Variants in ANKRD62 observed in about 807,000 individuals in gnomAD.
The protein encoded by ANKRD62 is ankyrin repeat domain 62.
ANKRD62 carries 61 observed loss-of-function variants against 98.8 expected under a neutral mutation model. The observed-to-expected ratio is 0.62, with a 90% CI of 0.50 to 0.76. The LOEUF (loss-of-function observed/expected upper bound fraction) is 0.76. Among genes scored for constraint, ANKRD62 ranks in the 30% least tolerant of loss-of-function variants. ANKRD62 has a pLI of 0.00. For missense variants in ANKRD62, 933 were observed against 1,082.9 expected, an observed-to-expected ratio of 0.86 and a Z score of 1.94; for synonymous variants, 341 against 367.9, an observed-to-expected ratio of 0.93 and a Z score of 0.84.
chr18:12,153,026 G>T, the ANKRD62 span, among the ~76,000 whole-genome samples: 1 of 152,176 alleles, frequency 6.6e-6, no homozygotes, highest in Admixed American at 6.5e-5. Flanking sequence ...GTCAAGATGA[G>T]AACGAAATCA....
intron 7 of ANKRD62, among the ~76,000 whole-genome samples, chr18:12,104,681 G>A (rs1909376280): frequency 6.6e-6 from 1 of 152,116 alleles, no homozygotes; most frequent in African/African-American, 2.4e-5. Flanking sequence ...TACAGGAATA[G>A]CAAACTTAAA....
the ANKRD62 span, among the ~76,000 whole-genome samples, chr18:12,163,435 A>G: frequency 1.3e-5 from 2 of 152,108 alleles, no homozygotes; most frequent in Non-Finnish European, 2.9e-5. Context: ...TTCCAAAGAC[A>G]AGATCATATC....
At chr18:12,166,640 T>C in the ANKRD62 span, among the ~76,000 whole-genome samples, 635 of 152,236 alleles carry the variant, frequency 4.2e-3, 1 homozygote, top group Non-Finnish European at 6.6e-3. Context: ...GTGCCTTATT[T>C]AGTTCATTTG....
At chr18:12,122,894 G>A (rs1909809747) in intron 11 of ANKRD62, among the ~76,000 whole-genome samples, 1 of 151,984 alleles carries the variant, frequency 6.6e-6, no homozygotes, top group Non-Finnish European at 1.5e-5. Context: ...GAGCTATCTG[G>A]TTAGAGTATA....
rs1909104520 is a variant in ANKRD62 at position 12,093,928 on chromosome 18, G to A, written c.-90G>A. ...TTGCGGCTGGACCTGGTTACGTGCTGGTGCTGCGCTCCAGAGAGGCAGAAA... is the reference window on the plus strand; with the variant it reads ...TTGCGGCTGGACCTGGTTACGTGCTAGTGCTGCGCTCCAGAGAGGCAGAAA... On this transcript the variant is annotated 5_prime_UTR_variant, in exon 1 of 14. Transcript: ENST00000587848. 3.1e-6 allele frequency: 4 copies of A among 1,295,000 alleles called. No individual in the cohort carries two copies. Among genetic ancestry groups the A allele is most frequent in the Non-Finnish European group, 4.3e-6 (4 of 935,248 alleles). 80.2% of individuals were successfully genotyped at this position (1,295,000 alleles called of 1,614,324 possible).
At chr18:12,175,684 T>C in the ANKRD62 span, among the ~76,000 whole-genome samples, 1 of 151,908 alleles carries the variant, frequency 6.6e-6, no homozygotes, top group African/African-American at 2.4e-5. Flanking sequence ...GACTTTCAGA[T>C]TGTAAAGTCA....
the ANKRD62 span, among the ~76,000 whole-genome samples, chr18:12,141,046 A>G: frequency 6.6e-6 from 1 of 152,172 alleles, no homozygotes. Context: ...CTCAAGACTG[A>G]GCAATGGCGG....
At position 12,093,966 on chromosome 18, in the gene ANKRD62, T is replaced by A; in HGVS notation, c.-52T>A. 1 of 1,512,800 alleles carries A rather than the reference T, an allele frequency of 6.6e-7. No homozygotes were observed. The highest frequency in any genetic ancestry group is 1.2e-5 in the South Asian group (1 of 83,408). The allele number at this position is 1,512,800 out of a possible 1,614,324, so 93.7% of individuals were successfully genotyped here. ...AGAGAGGCAGAAAACGAGTGGGAGCTGAGGTGTCTTAAAGCCGTTCCTCAG... is the reference window on the plus strand; with the variant it reads ...AGAGAGGCAGAAAACGAGTGGGAGCAGAGGTGTCTTAAAGCCGTTCCTCAG... On this transcript the variant is annotated 5_prime_UTR_variant, in exon 1 of 14. Coordinates refer to ENST00000587848, the MANE Select transcript of ANKRD62 (RefSeq NM_001277333.2).
At position 12,126,325 on chromosome 18, in the gene ANKRD62, A is replaced by G; in HGVS notation, c.2504A>G (p.Glu835Gly). 2 of 1,529,006 alleles carry G rather than the reference A, an allele frequency of 1.3e-6. No homozygotes were observed. The highest frequency in any genetic ancestry group is 1.7e-6 in the Non-Finnish European group (2 of 1,144,894). The allele number at this position is 1,529,006 out of a possible 1,614,324, so 94.7% of individuals were successfully genotyped here. ...GAGAACAATAAGGGGTTGATGAAGGAATGCACTCTTTTAAAAGAAAGACAA... is the reference window on the plus strand; with the variant it reads ...GAGAACAATAAGGGGTTGATGAAGGGATGCACTCTTTTAAAAGAAAGACAA... ...LEENNKGLMK[E>G]CTLLKERQCQ... Residue 835 changes from glutamate to glycine, a missense_variant, in exon 13 of 14, where the codon GAA becomes GGA. Physicochemically the swap from Glu to Gly is moderately conservative, Grantham distance 98. Coordinates refer to ENST00000587848, the MANE Select transcript of ANKRD62 (RefSeq NM_001277333.2).
At chr18:12,175,515 A>C in the ANKRD62 span, among the ~76,000 whole-genome samples, 1 of 151,916 alleles carries the variant, frequency 6.6e-6, no homozygotes, top group Non-Finnish European at 1.5e-5. Flanking sequence ...CTGTGGGCCC[A>C]AGGGAAGCTA....
chr18:12,177,604 G>A, the ANKRD62 span, among the ~76,000 whole-genome samples: 393 of 151,990 alleles, frequency 2.6e-3, 6 homozygotes, highest in Admixed American at 0.014. Flanking sequence ...TGTAGGACAC[G>A]CCAAGACTTT....
chr18:12,112,521 T>G (rs1413203765), intron 8 of ANKRD62, among the ~76,000 whole-genome samples: 2 of 152,156 alleles, frequency 1.3e-5, no homozygotes, highest in Non-Finnish European at 2.9e-5. Context: ...ATGCAGAGGA[T>G]TGAAACTTCA....
chr18:12,102,621 A>G, intron 6 of ANKRD62: 2 of 625,290 alleles, frequency 3.2e-6, no homozygotes, highest in Non-Finnish European at 4.2e-6. Context: ...AAAGAGCCAG[A>G]ATCAGAGAAG....
At chr18:12,123,803 C>G (rs1909830540) in intron 11 of ANKRD62, among the ~76,000 whole-genome samples, 2 of 152,252 alleles carry the variant, frequency 1.3e-5, no homozygotes, top group African/African-American at 2.4e-5. Flanking sequence ...TTAAAATTAG[C>G]TAACTCTAAA....
chr18:12,133,793 A>G (rs1052192756), downstream of ANKRD62, among the ~76,000 whole-genome samples: 11 of 152,068 alleles, frequency 7.2e-5, no homozygotes, highest in Non-Finnish European at 1.2e-4. Context: ...CACTTTTTTC[A>G]TAAACTTTGT....
Position 12,115,422 on chromosome 18 carries a change from C to A in ANKRD62, c.1128C>A (p.Asp376Glu), listed in dbSNP as rs561314298. 6.5e-7 allele frequency: 1 copy of A among 1,536,032 alleles called. No homozygotes were observed. The change falls in exon 10 of 14, where the codon GAC becomes GAA. Residue 376 changes from aspartate to glutamate, a missense_variant. Asp to Glu is a conservative substitution (Grantham distance 45, BLOSUM62 2). This residue lies in a region of ANKRD62 where 549 missense variants were observed against 587.9 expected (regional missense o/e 0.93). Transcript: ENST00000587848. ...KVKSQIYFTD[D>E]LNDISGSSEK... is the part of the protein sequence containing the mutation. The stretch of plus-strand genomic sequence containing the variant: ...AAAGCCAAATATATTTCACGGATGA[C>A]CTTAATGACATAAGTGGGTCATCTG...
intron 2 of ANKRD62, 23 bp from the exon 3 acceptor site, chr18:12,095,414 A>G (rs1790455553): frequency 6.4e-7 from 1 of 1,558,628 alleles, no homozygotes; most frequent in African/African-American, 1.3e-5. Flanking sequence ...TTTACAGTCT[A>G]TTTCTTGGTC....
chr18:12,153,637 G>T, the ANKRD62 span, among the ~76,000 whole-genome samples: 2 of 148,530 alleles, frequency 1.3e-5, no homozygotes, highest in Non-Finnish European at 3.0e-5. Flanking sequence ...TGATTTTAAA[G>T]TTCATATGGA....
At chr18:12,098,800 T>C (rs868238032) in intron 5 of ANKRD62, among the ~76,000 whole-genome samples, 1 of 152,196 alleles carries the variant, frequency 6.6e-6, no homozygotes, top group Non-Finnish European at 1.5e-5. Context: ...GTTTTTGTCT[T>C]CCATGTCAGT....
Sources: gnomAD v4.1 joint callset for allele counts (sites outside exome capture counted in the v4.1 genomes callset) on GRCh38, gnomAD v4.1.1 for gene constraint, gnomAD v4.1.1 regional missense constraint, MANE v1.5 for transcripts, NCBI Gene and HGNC (gene_info 2026-07-23, HGNC 2026-07-21) for gene names.